The following ARHGAP42 variants were observed in gnomAD, a reference collection of about 807,000 sequenced individuals.
ARHGAP42 encodes the protein rho GTPase-activating protein 42.
ARHGAP42 carries 63 observed loss-of-function variants against 125.0 expected under a neutral mutation model. The ratio of observed to expected loss-of-function variants is 0.50; its 90% CI spans 0.41 to 0.62. The LOEUF is 0.62. Ranked by LOEUF, ARHGAP42 falls within the 20% of genes least tolerant of loss-of-function variation. The pLI is 0.00. For missense variants in ARHGAP42, 766 were observed against 1,024.2 expected, an observed-to-expected ratio of 0.75 and a Z score of 3.44; for synonymous variants, 339 against 351.0, an observed-to-expected ratio of 0.97 and a Z score of 0.38.
In ARHGAP42 at chr11:100,882,784, G is replaced by T. The variant is rs2135179098; in HGVS notation, c.384+23159G>T. ...TCAATCTTGCTGCTTGTTCTCTTCA[G>T]GGTATCTGTCTGTTTAGGGTATCTA... On this transcript the variant is annotated intron_variant, in intron 4 of 23. Transcript: ENST00000298815. 2.0e-5 allele frequency among the ~76,000 whole-genome samples: 3 copies of T among 152,076 alleles called. No homozygotes were observed. The Middle Eastern group carries it at 0.01, about 517-fold the overall frequency.
intron 4 of ARHGAP42, among the ~76,000 whole-genome samples, chr11:100,861,576 T>A (rs2135143705): frequency 6.6e-6 from 1 of 152,230 alleles, no homozygotes; most frequent in South Asian, 2.1e-4. Flanking sequence ...ATGAAAGCTA[T>A]TTTAGAGGTG....
At chr11:100,791,481 T>C (rs1407822699) in intron 2 of ARHGAP42, among the ~76,000 whole-genome samples, 3 of 152,186 alleles carry the variant, frequency 2.0e-5, no homozygotes, top group Non-Finnish European at 4.4e-5. Flanking sequence ...GAGGAAAATT[T>C]CAGATATGGG....
At chr11:100,880,926 C>G (rs1313022077) in intron 4 of ARHGAP42, among the ~76,000 whole-genome samples, 2 of 136,750 alleles carry the variant, frequency 1.5e-5, no homozygotes, top group Non-Finnish European at 3.2e-5. Context: ...TGTCCTTAGC[C>G]CACTTTTTGA....
At chr11:100,930,959 C>T (rs1216183657) in intron 6 of ARHGAP42, among the ~76,000 whole-genome samples, 4 of 152,024 alleles carry the variant, frequency 2.6e-5, no homozygotes, top group Non-Finnish European at 5.9e-5. Flanking sequence ...GAAGTGTTTC[C>T]GATTTTTTTC....
At chr11:100,706,341 T>A (rs1293352076) in intron 1 of ARHGAP42, among the ~76,000 whole-genome samples, 1 of 152,210 alleles carries the variant, frequency 6.6e-6, no homozygotes, top group East Asian at 1.9e-4. Context: ...AAGTGCTCAT[T>A]ACATGACTGA....
intron 12 of ARHGAP42, among the ~76,000 whole-genome samples, chr11:100,953,857 A>G (rs1363733648): frequency 1.5e-3 from 6 of 4,070 alleles, no homozygotes; most frequent in African/African-American, 6.5e-3. Context: ...TTTTTGTAGT[A>G]GTAATATCTA....
chr11:100,936,876 C>T (rs189288035), intron 8 of ARHGAP42, among the ~76,000 whole-genome samples: 5 of 152,270 alleles, frequency 3.3e-5, no homozygotes, highest in East Asian at 1.9e-4. Flanking sequence ...AAAAGCCATT[C>T]GGACTTGTAT....
At chr11:100,744,824 T>C (rs1862263959) in intron 1 of ARHGAP42, among the ~76,000 whole-genome samples, 1 of 152,126 alleles carries the variant, frequency 6.6e-6, no homozygotes, top group South Asian at 2.1e-4. Context: ...AGCACTTGAA[T>C]ATAAAATTTT....
At chr11:100,773,855 A>G (rs1183995037) in intron 2 of ARHGAP42, among the ~76,000 whole-genome samples, 1 of 152,216 alleles carries the variant, frequency 6.6e-6, no homozygotes, top group African/African-American at 2.4e-5. Context: ...TTGTGAAGTT[A>G]AATCTCAGGT....
chr11:100,803,088 G>A (rs1863900299), intron 3 of ARHGAP42, among the ~76,000 whole-genome samples: 2 of 152,084 alleles, frequency 1.3e-5, no homozygotes, highest in Non-Finnish European at 2.9e-5. Context: ...TGGAGCTGGT[G>A]GGGGATGTTG....
At chr11:100,791,839 C>A (rs1303266234) in intron 2 of ARHGAP42, among the ~76,000 whole-genome samples, 1 of 152,150 alleles carries the variant, frequency 6.6e-6, no homozygotes, top group Admixed American at 6.5e-5. Flanking sequence ...TTATAATCAA[C>A]TATTATCTTA....
intron 4 of ARHGAP42, among the ~76,000 whole-genome samples, chr11:100,876,916 C>T (rs1054568795): frequency 1.3e-5 from 2 of 152,188 alleles, no homozygotes; most frequent in Admixed American, 6.5e-5. Flanking sequence ...ATGCAACCCA[C>T]GTTTGCATCA....
intron 4 of ARHGAP42, among the ~76,000 whole-genome samples, chr11:100,892,060 G>C (rs998841931): frequency 6.6e-6 from 1 of 152,190 alleles, no homozygotes; most frequent in Non-Finnish European, 1.5e-5. Flanking sequence ...CCAAGTGTTG[G>C]AGATGAGACG....
intron 17 of ARHGAP42, among the ~76,000 whole-genome samples, chr11:100,971,473 A>G (rs1461081618): frequency 2.0e-5 from 3 of 152,184 alleles, no homozygotes; most frequent in African/African-American, 7.2e-5. Context: ...GAATTGGGGA[A>G]ATAAGTAGTA....
chr11:100,921,237 ATATATATATTTTTTTTTT>A lies in ARHGAP42; in HGVS notation c.487-255_487-238del, dbSNP rs1867252458. Among the ~76,000 whole-genome samples the A allele has an allele frequency of 3.1e-4, 9 of 28,668 alleles. No homozygotes were observed. The South Asian group carries it at 6.8e-3, about 22-fold the overall frequency. The allele number at this position is 28,668 out of a possible 152,430, so 18.8% of individuals were successfully genotyped here. Reference sequence around the variant, plus strand: ...TACATATATATATATATATATATATATATATATATTTTTTTTTTTTTTTTTTTTTTTTTTTTACTGCAA... The same window carrying A: ...TACATATATATATATATATATATATATTTTTTTTTTTTTTTTTTACTGCAA... On this transcript the variant is annotated intron_variant, in intron 5 of 23. Coordinates refer to ENST00000298815, the MANE Select transcript of ARHGAP42 (RefSeq NM_152432.4).
chr11:100,835,296 A>G (rs934126977), intron 3 of ARHGAP42, among the ~76,000 whole-genome samples: 1 of 152,140 alleles, frequency 6.6e-6, no homozygotes, highest in Admixed American at 6.6e-5. Flanking sequence ...AGCATTTTAT[A>G]TTCTGTATAT....
chr11:100,914,509 G>GAACAACAAC (rs138419731), intron 5 of ARHGAP42, among the ~76,000 whole-genome samples: 2 of 150,908 alleles, frequency 1.3e-5, no homozygotes, highest in Admixed American at 6.6e-5. Flanking sequence ...GTCACCTTGA[G>GAACAACAAC]AACAACAACA....
At chr11:100,703,319 T>G (rs988398982) in intron 1 of ARHGAP42, among the ~76,000 whole-genome samples, 1 of 152,222 alleles carries the variant, frequency 6.6e-6, no homozygotes, top group Non-Finnish European at 1.5e-5. Flanking sequence ...AGCATTTGCC[T>G]TATATTTCTT....
intron 4 of ARHGAP42, among the ~76,000 whole-genome samples, chr11:100,901,894 C>A (rs951549981): frequency 4.6e-5 from 7 of 152,238 alleles, no homozygotes. Flanking sequence ...CCCTGCCCTG[C>A]TTTGGCTCGC....
Sources: gnomAD v4.1 joint callset for allele counts (sites outside exome capture counted in the v4.1 genomes callset) on GRCh38, gnomAD v4.1.1 for gene constraint, MANE v1.5 for transcripts, NCBI Gene and HGNC (gene_info 2026-07-23, HGNC 2026-07-21) for gene names.